Variants in MGAT3 observed in about 807,000 individuals in gnomAD.
MGAT3 encodes the protein beta-1,4-mannosyl-glycoprotein 4-beta-N-acetylglucosaminyltransferase, also known as GlcNAc-T III.
MGAT3 carries 9 observed loss-of-function variants against 29.8 expected under a neutral mutation model. The observed-to-expected ratio is 0.30, with a 90% CI of 0.18 to 0.53. MGAT3 has a LOEUF of 0.53. MGAT3 is among the 20% of genes least tolerant of loss of function. MGAT3 has a pLI of 0.96. For synonymous variants in MGAT3, 397 were observed against 348.9 expected (o/e 1.14, Z -1.54); for missense variants, 557 against 769.5 (o/e 0.72, Z 3.27).
chr22:39,480,945 A>G (rs928988320), intron 1 of MGAT3, among the ~76,000 whole-genome samples: 1 of 152,136 alleles, frequency 6.6e-6, no homozygotes, highest in African/African-American at 2.4e-5. Context: ...TGGGCAGTTC[A>G]GTGTGGCCTC....
At chr22:39,467,224 A>C (rs1190990155) in intron 1 of MGAT3, among the ~76,000 whole-genome samples, 1 of 152,216 alleles carries the variant, frequency 6.6e-6, no homozygotes, top group Non-Finnish European at 1.5e-5. Flanking sequence ...AGGCCCTGAC[A>C]TGAAGTCTTT....
intron 1 of MGAT3, among the ~76,000 whole-genome samples, chr22:39,472,247 T>G (rs1928832439): frequency 1.3e-5 from 2 of 152,150 alleles, no homozygotes; most frequent in African/African-American, 4.8e-5. Context: ...CAAAAGGCTA[T>G]GGACTCCTGA....
chr22:39,488,806 C>A lies in MGAT3; in HGVS notation c.1459C>A (p.Leu487Met). Residue 487 changes from leucine (L) to methionine (M), a missense_variant, in exon 2 of 2, where the codon CTG becomes ATG. By Grantham distance (15) the Leu-to-Met change is conservative. Coordinates refer to ENST00000341184, the MANE Select transcript of MGAT3 (RefSeq NM_002409.5). The stretch of plus-strand genomic sequence containing the variant: ...CGAGCACATGTATGCGCCCAAGTAC[C>A]TGCTGAAGAACTACGACCGGTTCCA... ...PSEHMYAPKY[L>M]LKNYDRFHYL... is the part of the protein sequence containing the mutation. 1 of 1,611,246 alleles carries A rather than the reference C, an allele frequency of 6.2e-7. No individual in the cohort carries two copies. The highest frequency in any genetic ancestry group is 1.7e-5 in the Admixed American group (1 of 59,616).
intron 1 of MGAT3, among the ~76,000 whole-genome samples, chr22:39,480,092 T>A (rs149420962): frequency 6.6e-6 from 1 of 152,124 alleles, no homozygotes; most frequent in Admixed American, 6.5e-5. Context: ...TTGATGATGA[T>A]GAGGAGCTGG....
At chr22:39,465,919 G>A (rs1194781981) in intron 1 of MGAT3, among the ~76,000 whole-genome samples, 15 of 149,190 alleles carry the variant, frequency 1.0e-4, no homozygotes, top group Admixed American at 5.4e-4. Flanking sequence ...GTGACAGAGT[G>A]AGACTCCGTC....
intron 1 of MGAT3, among the ~76,000 whole-genome samples, chr22:39,460,899 C>T (rs1187023109): frequency 6.6e-6 from 1 of 152,134 alleles, no homozygotes; most frequent in Non-Finnish European, 1.5e-5. Flanking sequence ...CCTTCCAGAA[C>T]GAGTCTCCCG....
chr22:39,480,532 G>A (rs991730564), intron 1 of MGAT3, among the ~76,000 whole-genome samples: 1 of 152,326 alleles, frequency 6.6e-6, no homozygotes, highest in African/African-American at 2.4e-5. Context: ...GGGGACCACA[G>A]ACAAAGCATA....
intron 1 of MGAT3, among the ~76,000 whole-genome samples, chr22:39,474,186 G>T (rs1459296823): frequency 6.6e-6 from 1 of 152,164 alleles, no homozygotes; most frequent in Admixed American, 6.5e-5. Flanking sequence ...TGCCACCGGG[G>T]TGCTCACATG....
Position 39,458,352 on chromosome 22 carries a change from G to A in MGAT3, c.-2+795G>A, listed in dbSNP as rs138076728. 4.5e-3 allele frequency among the ~76,000 whole-genome samples: 689 copies of A among 152,246 alleles called. 1 individual carries two copies. Among genetic ancestry groups the A allele is most frequent in the Non-Finnish European group, 7.2e-3 (492 of 68,000 alleles). ...CGGATGACCCCCAGCCCCGGAAGAT[G>A]CCCCTGAAGGCCCCTGATGGGGTGT... On this transcript the variant is annotated intron_variant, in intron 1 of 1. Transcript: ENST00000341184.
chr22:39,480,078 A>G (rs2145722787), intron 1 of MGAT3, among the ~76,000 whole-genome samples: 1 of 152,256 alleles, frequency 6.6e-6, no homozygotes, highest in East Asian at 1.9e-4. Flanking sequence ...TGACTATAGG[A>G]ACATTGATGA....
At position 39,488,685 on chromosome 22, in the gene MGAT3, C is replaced by T; in HGVS notation, c.1338C>T (p.Tyr446=). The stretch of plus-strand genomic sequence containing the variant: ...GCGACTTCCCACGCTGGGGTGACTA[C>T]GAGGACAAGCGGGACCTGAACTACA... The part of the protein sequence containing the change: ...QNGDFPRWGD[Y]EDKRDLNYIR... The change falls in exon 2 of 2, where the codon TAC becomes TAT. Residue 446 remains tyrosine (Y), a synonymous_variant. Transcript: ENST00000341184. The T allele has an allele frequency of 1.2e-6, 2 of 1,613,808 alleles. No individual in the cohort carries two copies. The highest frequency in any genetic ancestry group is 1.7e-6 in the Non-Finnish European group (2 of 1,180,018).
intron 1 of MGAT3, among the ~76,000 whole-genome samples, chr22:39,477,049 G>A (rs936103365): frequency 7.9e-5 from 12 of 152,140 alleles, no homozygotes; most frequent in African/African-American, 2.2e-4. Flanking sequence ...TTCAGAGTCC[G>A]GGGAGGTGCT....
intron 1 of MGAT3, among the ~76,000 whole-genome samples, chr22:39,460,941 C>G (rs990565491): frequency 6.6e-6 from 1 of 152,160 alleles, no homozygotes; most frequent in South Asian, 2.1e-4. Context: ...GACTACACCA[C>G]CTGCCCTTCG....
At position 39,457,751 on chromosome 22, in the gene MGAT3, G is replaced by T. The variant is rs1928376284; in HGVS notation, c.-2+194G>T. On this transcript the variant is annotated intron_variant, in intron 1 of 1. Coordinates refer to ENST00000341184, the MANE Select transcript of MGAT3 (RefSeq NM_002409.5). The surrounding 1 kb of genome is among the most constrained non-coding windows in gnomAD (Gnocchi z 6.8). ...GTGGGGGCGGGATGCCGGGGAAGCCGCTCGGCGCGGGCCCCCTCCCCCTAC... is the reference window on the plus strand; with the variant it reads ...GTGGGGGCGGGATGCCGGGGAAGCCTCTCGGCGCGGGCCCCCTCCCCCTAC... 6.6e-6 allele frequency among the ~76,000 whole-genome samples: 1 copy of T among 150,642 alleles called. No homozygotes were observed. The highest frequency in any genetic ancestry group is 1.5e-5 in the Non-Finnish European group (1 of 67,380).
chr22:39,479,486 C>A (rs922620939), intron 1 of MGAT3, among the ~76,000 whole-genome samples: 8 of 152,204 alleles, frequency 5.3e-5, no homozygotes, highest in African/African-American at 1.9e-4. Flanking sequence ...GGCCCCTCCC[C>A]ACAGCAGGTT....
intron 1 of MGAT3, among the ~76,000 whole-genome samples, chr22:39,471,592 T>A (rs912099688): frequency 2.0e-5 from 3 of 150,386 alleles, no homozygotes; most frequent in African/African-American, 7.3e-5. Context: ...CGGCCATCAG[T>A]CCTTGCCGGC....
chr22:39,474,372 GGCA>G (rs1287797487), intron 1 of MGAT3, among the ~76,000 whole-genome samples: 1 of 152,212 alleles, frequency 6.6e-6, no homozygotes, highest in East Asian at 1.9e-4. Flanking sequence ...CAAGGCTGAA[GGCA>G]GCAGCCTGGA....
chr22:39,464,825 A>T (rs1928593703), intron 1 of MGAT3, among the ~76,000 whole-genome samples: 1 of 150,986 alleles, frequency 6.6e-6, no homozygotes, highest in African/African-American at 2.4e-5. Flanking sequence ...ATCTCGGCTC[A>T]CTGTAAGCTC....
chr22:39,490,500 C>G lies in MGAT3; in HGVS notation c.*1551C>G, dbSNP rs1248790701. 1.2e-5 allele frequency: 2 copies of G among 167,322 alleles called. No individual in the cohort carries two copies. Among genetic ancestry groups the G allele is most frequent in the African/African-American group, 4.8e-5 (2 of 41,454 alleles). 10.4% of individuals were successfully genotyped at this position (167,322 alleles called of 1,614,324 possible). The stretch of plus-strand genomic sequence containing the variant: ...TCTCTGGGAGAGGGGGAGGGAGCAG[C>G]AATAACTCAGTCGTCGGATCCAGCT... On this transcript the variant is annotated 3_prime_UTR_variant, in exon 2 of 2. Transcript: ENST00000341184.
Sources: allele counts gnomAD v4.1 joint callset (sites outside exome capture counted in the v4.1 genomes callset), GRCh38; gene constraint gnomAD v4.1.1; non-coding constraint Gnocchi (gnomAD v3.1); transcripts MANE v1.5; gene names NCBI Gene and HGNC (gene_info 2026-07-23, HGNC 2026-07-21).